Variants in CELSR3 observed in about 807,000 individuals in gnomAD.
CELSR3 encodes the protein EGF-like protein 1.
In CELSR3, 73 loss-of-function variants were observed where a neutral mutation model predicts 270.0. The observed-to-expected ratio is 0.27, with a 90% confidence interval of 0.22 to 0.33. The LOEUF (loss-of-function observed/expected upper bound fraction) is 0.33, where lower values mean the gene tolerates loss of function less well. Ranked by LOEUF, CELSR3 falls within the 10% of genes least tolerant of loss-of-function variation. The pLI is 1.00. For synonymous variants in CELSR3, 1,780 were observed against 1,905.4 expected, an observed-to-expected ratio of 0.93 and a Z score of 1.71; for missense variants, 3,614 against 4,533.8, an observed-to-expected ratio of 0.80 and a Z score of 5.83.
Position 48,650,820 on chromosome 3 carries a change from G to T in CELSR3, c.6370+72C>A. ...TTCCAGAGTCCCCAAGGAGCCATGTGTGCCACTGACACGTGATGGTGGCAC... is the reference window on the plus strand; with the variant it reads ...TTCCAGAGTCCCCAAGGAGCCATGTTTGCCACTGACACGTGATGGTGGCAC... On this transcript the variant is annotated intron_variant, in intron 15 of 34. Coordinates refer to ENST00000164024, the MANE Select transcript of CELSR3 (RefSeq NM_001407.3). The surrounding 1 kb of genome is among the most constrained non-coding windows in gnomAD (Gnocchi z 5.1). The T allele has an allele frequency of 6.7e-7, 1 of 1,500,566 alleles. No individual in the cohort carries two copies. The highest frequency in any genetic ancestry group is 9.1e-7 in the Non-Finnish European group (1 of 1,104,364). 93.0% of individuals were successfully genotyped at this position (1,500,566 alleles called of 1,614,324 possible).
In CELSR3 at chr3:48,640,245, G is replaced by T; in HGVS notation, c.9340C>A (p.Pro3114Thr). 6.2e-7 allele frequency: 1 copy of T among 1,612,770 alleles called. No homozygotes were observed. The highest frequency in any genetic ancestry group is 1.1e-5 in the South Asian group (1 of 91,076). Residue 3114 changes from proline to threonine, a missense_variant, in exon 34 of 35, where the codon CCC becomes ACC. By Grantham distance (38) the Pro-to-Thr change is conservative. Around this residue, in one of 7 missense-constraint regions of CELSR3, gnomAD observed 1,240 missense variants for 1,351.7 expected, o/e 0.92. Transcript: ENST00000164024. The surrounding 1 kb of genome is among the most constrained non-coding windows in gnomAD (Gnocchi z 7.5). ...CMDAAPGRLE[P>T]KDRGSTLPRR... ...GGCAGGGTGCTGCCCCGATCTTTGG[G>T]CTCCAGTCGGCCTGGTGCAGCATCC...
At position 48,653,636 on chromosome 3, in the gene CELSR3, T is replaced by C. The variant is rs2106714244; in HGVS notation, c.5431A>G (p.Ser1811Gly). 2 of 1,614,032 alleles carry C rather than the reference T, an allele frequency of 1.2e-6. No homozygotes were observed. The highest frequency in any genetic ancestry group is 1.7e-4 in the Middle Eastern group (1 of 6,058). ...VLMQVQAGPH[S>G]TLLCQLDRGL... ...GGACACACCTGGCAAAGGAGCGTGC[T>C]GTGTGGCCCAGCCTGCACTTGCATC... The change falls in exon 9 of 35, where the codon AGC becomes GGC. Residue 1811 changes from serine (S) to glycine (G), a missense_variant. By Grantham distance (56) the Ser-to-Gly change is moderately conservative. Transcript: ENST00000164024. The surrounding 1 kb of genome is among the most constrained non-coding windows in gnomAD (Gnocchi z 6.5).
chr3:48,660,053 G>A lies in CELSR3; in HGVS notation c.2582C>T (p.Ala861Val), dbSNP rs1356503174. The change falls in exon 1 of 35, where the codon GCC becomes GTC. Residue 861 changes from alanine to valine, a missense_variant. Ala to Val is a moderately conservative substitution (Grantham distance 64). Around this residue, in one of 7 missense-constraint regions of CELSR3, gnomAD observed 215 missense variants for 241.2 expected, o/e 0.89. Transcript: ENST00000164024. The surrounding 1 kb of genome is among the most constrained non-coding windows in gnomAD (Gnocchi z 5.5). ...TTCATTCACACTCACTGAGTAGTGG[G>A]CACTTTGAAAGACCGGCCGATGAGT... ...ANTHRPVFQS[A>V]HYSVSVNEDR... 1 of 1,614,210 alleles carries A rather than the reference G, an allele frequency of 6.2e-7. No homozygotes were observed. Among genetic ancestry groups the A allele is most frequent in the Non-Finnish European group, 8.5e-7 (1 of 1,180,046 alleles).
At chr3:48,638,975 C>T (rs898729184) in intron 34 of CELSR3, among the ~76,000 whole-genome samples, 4 of 151,776 alleles carry the variant, frequency 2.6e-5, no homozygotes, top group Non-Finnish European at 4.4e-5. Flanking sequence ...CTCAACTCTC[C>T]TCTTGGCTTA....
chr3:48,656,112 G>A, intron 3 of CELSR3, 28 bp downstream of exon 3: 1 of 1,528,854 alleles, frequency 6.5e-7, no homozygotes, highest in Non-Finnish European at 8.8e-7. Context: ...GCGGCGGGGA[G>A]GCGCTCAGAC....
chr3:48,660,316 G>A lies in CELSR3; in HGVS notation c.2319C>T (p.Thr773=). 1.2e-6 allele frequency: 2 copies of A among 1,614,130 alleles called. No homozygotes were observed. The highest frequency in any genetic ancestry group is 2.2e-5 in the South Asian group (2 of 91,086). ...CTACTGCGGTCACGCTGACCACACTGGTGCCCACAGCTGCATCCTCATTCA... is the reference window on the plus strand; with the variant it reads ...CTACTGCGGTCACGCTGACCACACTAGTGCCCACAGCTGCATCCTCATTCA... ...LRLNEDAAVG[T]SVVSVTAVDR... is the part of the protein sequence containing the mutation. The change falls in exon 1 of 35, where the codon ACC becomes ACT. Residue 773 remains threonine, a synonymous_variant. Coordinates refer to ENST00000164024, the MANE Select transcript of CELSR3 (RefSeq NM_001407.3). This position sits in a 1 kb window ranked among gnomAD's most constrained non-coding sequence, Gnocchi z 5.5.
rs761072000 is a variant in CELSR3, at chr3:48,653,199, G to C, written c.5449-12C>G. On this transcript the variant is annotated splice_polypyrimidine_tract_variant and intron_variant, in intron 9 of 34. Transcript: ENST00000164024. The surrounding 1 kb of genome is among the most constrained non-coding windows in gnomAD (Gnocchi z 6.5). ...AACCCCCGATCTAGCTGTGGGCAGA[G>C]ATGCATAGCCCTGGGGTTAGAGCCC... The C allele has an allele frequency of 6.2e-7, 1 of 1,612,264 alleles. No homozygotes were observed. Among genetic ancestry groups the C allele is most frequent in the African/African-American group, 1.3e-5 (1 of 75,060 alleles).
rs73078349 is a variant in CELSR3 at position 48,650,681 on chromosome 3, G to A, written c.6371-100C>T. The A allele has an allele frequency of 0.081, 87,153 of 1,081,158 alleles. 4,041 individuals are homozygous for A. Among genetic ancestry groups the A allele is most frequent in the Non-Finnish European group, 0.091 (68,406 of 750,836 alleles). 67.0% of individuals were successfully genotyped at this position (1,081,158 alleles called of 1,614,324 possible). Reference sequence around the variant, plus strand: ...CCACCCCCCACAAGGCCCACTGCCCGCCACTCCTGCTGGCTTCTCAGGAGC... The same window carrying A: ...CCACCCCCCACAAGGCCCACTGCCCACCACTCCTGCTGGCTTCTCAGGAGC... On this transcript the variant is annotated intron_variant, in intron 15 of 34. Coordinates refer to ENST00000164024, the MANE Select transcript of CELSR3 (RefSeq NM_001407.3). This position sits in a 1 kb window ranked among gnomAD's most constrained non-coding sequence, Gnocchi z 5.1.
In CELSR3 at chr3:48,659,947, G is replaced by C; in HGVS notation, c.2688C>G (p.Leu896=). The C allele has an allele frequency of 6.2e-7, 1 of 1,614,198 alleles. No individual in the cohort carries two copies. Among genetic ancestry groups the C allele is most frequent in the Non-Finnish European group, 8.5e-7 (1 of 1,180,040 alleles). ...DVGENARITY[L]LEDNLPQFRI... is the part of the protein sequence containing the mutation. Reference sequence around the variant, plus strand: ...GGAACTGGGGCAGGTTGTCCTCCAGGAGATAGGTGATACGAGCATTCTCAC... The same window carrying C: ...GGAACTGGGGCAGGTTGTCCTCCAGCAGATAGGTGATACGAGCATTCTCAC... Residue 896 remains leucine (L), a synonymous_variant, in exon 1 of 35, where the codon CTC becomes CTG. Coordinates refer to ENST00000164024, the MANE Select transcript of CELSR3 (RefSeq NM_001407.3). This position sits in a 1 kb window ranked among gnomAD's most constrained non-coding sequence, Gnocchi z 8.1.
Position 48,640,181 on chromosome 3 carries a change from G to A in CELSR3, c.9404C>T (p.Ala3135Val). ...QPPRDYPGAM[A>V]GRFGSRDALD... ...CGCATCCCGTGACCCGAAGCGGCCA[G>A]CCATGGCGCCAGGGTAGTCCCGAGG... Residue 3135 changes from alanine to valine, a missense_variant, in exon 34 of 35, where the codon GCT (alanine) becomes GTT (valine). Around this residue, in one of 7 missense-constraint regions of CELSR3, gnomAD observed 1,240 missense variants for 1,351.7 expected, o/e 0.92. Coordinates refer to ENST00000164024, the MANE Select transcript of CELSR3 (RefSeq NM_001407.3). This position sits in a 1 kb window ranked among gnomAD's most constrained non-coding sequence, Gnocchi z 7.5. 1 of 1,612,732 alleles carries A rather than the reference G, an allele frequency of 6.2e-7. No individual in the cohort carries two copies. Among genetic ancestry groups the A allele is most frequent in the Non-Finnish European group, 8.5e-7 (1 of 1,179,956 alleles).
rs78501065 is a variant in CELSR3, at chr3:48,640,300, G to A, written c.9285C>T (p.Pro3095=). The change falls in exon 34 of 35, where the codon CCC becomes CCT. Residue 3095 remains proline, a synonymous_variant. Transcript: ENST00000164024. This position sits in a 1 kb window ranked among gnomAD's most constrained non-coding sequence, Gnocchi z 7.5. ...ATTCCTGGGACCCTGGCCGGCTCAG[G>A]GGACGTAGAACAGGGGCAGGGGCTT... ...LEEAPAPVLR[P]LSRPGSQECM... The A allele has an allele frequency of 6.2e-6, 10 of 1,612,884 alleles. No homozygotes were observed. The highest frequency in any genetic ancestry group is 1.3e-5 in the African/African-American group (1 of 75,054).
In CELSR3 at chr3:48,646,004, G is replaced by T. The variant is rs1194782057; in HGVS notation, c.7463+86C>A. The stretch of plus-strand genomic sequence containing the variant: ...TGGTCCGGGTTGCACAACAGCACTA[G>T]TGGGGGCCCCAGGGGAAGGCTGGGA... On this transcript the variant is annotated intron_variant, in intron 22 of 34. Coordinates refer to ENST00000164024, the MANE Select transcript of CELSR3 (RefSeq NM_001407.3). This position sits in a 1 kb window ranked among gnomAD's most constrained non-coding sequence, Gnocchi z 4.8. 1.3e-6 allele frequency: 2 copies of T among 1,585,714 alleles called. No homozygotes were observed. Among genetic ancestry groups the T allele is most frequent in the Non-Finnish European group, 1.7e-6 (2 of 1,162,146 alleles).
In CELSR3 at chr3:48,643,768, C is replaced by A. The variant is rs549674908; in HGVS notation, c.8166-91G>T. 25 of 1,441,514 alleles carry A rather than the reference C, an allele frequency of 1.7e-5. No homozygotes were observed. In the South Asian group the frequency reaches 3.3e-4, roughly 19 times the overall value. 89.3% of individuals were successfully genotyped at this position (1,441,514 alleles called of 1,614,324 possible). A position where few individuals can be genotyped will look rare whatever the true frequency, so the allele number is the denominator to read the frequency against. Reference sequence around the variant, plus strand: ...CACGGGAGGACACACAGGGGCCACACACGAAACGTGAAAAAAAGGAACTCA... The same window carrying A: ...CACGGGAGGACACACAGGGGCCACAAACGAAACGTGAAAAAAAGGAACTCA... On this transcript the variant is annotated intron_variant, in intron 27 of 34. Transcript: ENST00000164024.
chr3:48,657,378 C>A lies in CELSR3; in HGVS notation c.3749-30G>T. On this transcript the variant is annotated intron_variant, in intron 1 of 34. Coordinates refer to ENST00000164024, the MANE Select transcript of CELSR3 (RefSeq NM_001407.3). This position sits in a 1 kb window ranked among gnomAD's most constrained non-coding sequence, Gnocchi z 5.4. ...AGGCGGGGGCAGGGGCAGTGGTCAT[C>A]CTGGGGACAGTGGCCACCCCTCCCT... is the stretch of plus-strand genomic sequence containing the variant. 6.5e-7 allele frequency: 1 copy of A among 1,537,208 alleles called. No individual in the cohort carries two copies. Among genetic ancestry groups the A allele is most frequent in the Non-Finnish European group, 8.8e-7 (1 of 1,142,768 alleles).
Position 48,655,235 on chromosome 3 carries a change from C to G in CELSR3, c.4831-34G>C, listed in dbSNP as rs747796417. ...GCAGGCACACCAGTCAACAGTGCCC[C>G]CAGTAACCCCTGAGGAGCAGAAGTC... On this transcript the variant is annotated intron_variant, in intron 5 of 34. Transcript: ENST00000164024. The surrounding 1 kb of genome is among the most constrained non-coding windows in gnomAD (Gnocchi z 5.8). The G allele has an allele frequency of 6.2e-7, 1 of 1,613,948 alleles. No individual in the cohort carries two copies. The highest frequency in any genetic ancestry group is 2.2e-5 in the East Asian group (1 of 44,874).
At chr3:48,649,852 G>A (rs1276605810) in intron 16 of CELSR3, among the ~76,000 whole-genome samples, 1 of 152,156 alleles carries the variant, frequency 6.6e-6, no homozygotes, top group Non-Finnish European at 1.5e-5. Flanking sequence ...CACAGGCACA[G>A]AGATACACAC....
chr3:48,660,315 T>G lies in CELSR3; in HGVS notation c.2320A>C (p.Ser774Arg). 6.2e-7 allele frequency: 1 copy of G among 1,614,172 alleles called. No homozygotes were observed. The highest frequency in any genetic ancestry group is 8.5e-7 in the Non-Finnish European group (1 of 1,180,028). Residue 774 changes from serine (S) to arginine (R), a missense_variant, in exon 1 of 35, where the codon AGT (serine) becomes CGT (arginine). Ser to Arg is a moderately radical substitution (Grantham distance 110, BLOSUM62 -1). Around this residue, in one of 7 missense-constraint regions of CELSR3, gnomAD observed 215 missense variants for 241.2 expected, o/e 0.89. Coordinates refer to ENST00000164024, the MANE Select transcript of CELSR3 (RefSeq NM_001407.3). This position sits in a 1 kb window ranked among gnomAD's most constrained non-coding sequence, Gnocchi z 5.5. ...TCTACTGCGGTCACGCTGACCACAC[T>G]GGTGCCCACAGCTGCATCCTCATTC... is the stretch of plus-strand genomic sequence containing the variant. The part of the protein sequence containing the change: ...RLNEDAAVGT[S>R]VVSVTAVDRD...
Position 48,646,366 on chromosome 3 carries a change from T to A in CELSR3, c.7296-109A>T. ...GCCAGGGCTGACCCAGGGTCTGGGA[T>A]GTCCCCAGAGTGGAAGCTGTTTCTA... On this transcript the variant is annotated intron_variant, in intron 21 of 34. Coordinates refer to ENST00000164024, the MANE Select transcript of CELSR3 (RefSeq NM_001407.3). This position sits in a 1 kb window ranked among gnomAD's most constrained non-coding sequence, Gnocchi z 4.8. 1 of 1,209,714 alleles carries A rather than the reference T, an allele frequency of 8.3e-7. No homozygotes were observed. The highest frequency in any genetic ancestry group is 1.1e-6 in the Non-Finnish European group (1 of 877,380). 74.9% of individuals were successfully genotyped at this position (1,209,714 alleles called of 1,614,324 possible). A position where few individuals can be genotyped will look rare whatever the true frequency, so the allele number is the denominator to read the frequency against.
In CELSR3 at chr3:48,652,478, T is replaced by C. The variant is rs2047146189; in HGVS notation, c.5710A>G (p.Ser1904Gly). Residue 1904 changes from serine to glycine, a missense_variant, in exon 11 of 35, where the codon AGT becomes GGT. This residue lies in a region of CELSR3 where 1,331 missense variants were observed against 1,933.7 expected (regional missense o/e 0.69). Transcript: ENST00000164024. The surrounding 1 kb of genome is among the most constrained non-coding windows in gnomAD (Gnocchi z 4.3). ...AGACCCTGAGGAGCCTCCTCTGCAC[T>C]GCCGGGGGGCAGGCCTCCCACGTGG... ...QLHVGGLPPG[S>G]AEEAPQGLVG... 1.2e-6 allele frequency: 2 copies of C among 1,613,812 alleles called. No individual in the cohort carries two copies. The highest frequency in any genetic ancestry group is 1.7e-6 in the Non-Finnish European group (2 of 1,179,966).
Sources: allele counts gnomAD v4.1 joint callset (sites outside exome capture counted in the v4.1 genomes callset), GRCh38; gene constraint gnomAD v4.1.1; regional missense constraint gnomAD v4.1.1; non-coding constraint Gnocchi (gnomAD v3.1); transcripts MANE v1.5; gene names NCBI Gene and HGNC (gene_info 2026-07-23, HGNC 2026-07-21).